Variants in HPSE2 observed in about 807,000 individuals in gnomAD.
HPSE2 encodes heparanase 2 (inactive).
A neutral mutation model predicts 60.5 loss-of-function variants in HPSE2; 38 were observed. The ratio of observed to expected loss-of-function variants is 0.63; its 90% CI spans 0.48 to 0.82. The LOEUF (loss-of-function observed/expected upper bound fraction) is 0.82, where lower values mean the gene tolerates loss of function less well. HPSE2 is among the 40% of genes least tolerant of loss of function. The pLI, the probability that HPSE2 is intolerant of heterozygous loss-of-function variation, is 0.00. For missense variants in HPSE2, 713 were observed against 740.4 expected (o/e 0.96, Z 0.43); for synonymous variants, 295 against 293.2 (o/e 1.01, Z -0.06).
At chr10:98,758,993 T>C (rs1249128810) in intron 3 of HPSE2, among the ~76,000 whole-genome samples, 1 of 152,090 alleles carries the variant, frequency 6.6e-6, no homozygotes, top group East Asian at 1.9e-4. Context: ...CAGCATGAAA[T>C]AGTATGAAGC....
chr10:98,942,244 C>T (rs1955030306), intron 3 of HPSE2, among the ~76,000 whole-genome samples: 1 of 142,268 alleles, frequency 7.0e-6, no homozygotes, highest in Non-Finnish European at 1.5e-5. Context: ...TCTAATTAAA[C>T]TCAAGAGCTT....
At chr10:98,530,757 A>G (rs1014905728) in intron 9 of HPSE2, among the ~76,000 whole-genome samples, 1 of 152,090 alleles carries the variant, frequency 6.6e-6, no homozygotes, top group Non-Finnish European at 1.5e-5. Flanking sequence ...GGCTTTGGAG[A>G]GTCAGATGTA....
At chr10:98,515,892 A>C (rs1942586655) in intron 9 of HPSE2, among the ~76,000 whole-genome samples, 1 of 152,130 alleles carries the variant, frequency 6.6e-6, no homozygotes, top group Admixed American at 6.5e-5. Flanking sequence ...AAATACCCAA[A>C]TATATCAATT....
chr10:98,624,418 G>A (rs1445907966), intron 7 of HPSE2, among the ~76,000 whole-genome samples: 3 of 152,108 alleles, frequency 2.0e-5, no homozygotes, highest in Non-Finnish European at 4.4e-5. Context: ...GCTGTTTTTA[G>A]AACCAAAAGA....
chr10:99,081,713 T>G (rs1843148190), intron 3 of HPSE2, among the ~76,000 whole-genome samples: 1 of 152,028 alleles, frequency 6.6e-6, no homozygotes, highest in African/African-American at 2.4e-5. Context: ...CTCGGCTCAC[T>G]GCAACCTCCG....
chr10:99,002,279 G>C (rs1457788953), intron 3 of HPSE2, among the ~76,000 whole-genome samples: 8 of 152,086 alleles, frequency 5.3e-5, no homozygotes, highest in African/African-American at 1.9e-4. Flanking sequence ...AATTGATGTA[G>C]ATATTCCATC....
Position 98,852,584 on chromosome 10 carries a change from C to A in HPSE2, c.611-108528G>T, listed in dbSNP as rs76334249. Among the ~76,000 whole-genome samples the A allele has an allele frequency of 7.2e-5, 11 of 152,330 alleles. No homozygotes were observed. The East Asian group carries it at 2.1e-3, about 29-fold the overall frequency. Reference sequence around the variant, plus strand: ...ATACAGAGGCCAAGAAGAATTTGAACAGACAGGCCTTGCTGGGTTTCCCCA... The same window carrying A: ...ATACAGAGGCCAAGAAGAATTTGAAAAGACAGGCCTTGCTGGGTTTCCCCA... On this transcript the variant is annotated intron_variant, in intron 3 of 11. Coordinates refer to ENST00000370552, the MANE Select transcript of HPSE2 (RefSeq NM_021828.5).
At chr10:99,066,735 G>A (rs1842630992) in intron 3 of HPSE2, among the ~76,000 whole-genome samples, 1 of 152,076 alleles carries the variant, frequency 6.6e-6, no homozygotes, top group African/African-American at 2.4e-5. Context: ...GGTAAGATTT[G>A]GGTGGGGTCA....
At chr10:98,501,795 C>T (rs538431191) in intron 9 of HPSE2, among the ~76,000 whole-genome samples, 14 of 152,062 alleles carry the variant, frequency 9.2e-5, no homozygotes, top group African/African-American at 2.9e-4. Context: ...ACTTTGAAAC[C>T]CCTGAAGACT....
chr10:99,238,327 T>C (rs1849903404), upstream of HPSE2, among the ~76,000 whole-genome samples: 1 of 152,168 alleles, frequency 6.6e-6, no homozygotes, highest in African/African-American at 2.4e-5. Flanking sequence ...TTGAGTATAA[T>C]GAGAATGCAC....
intron 3 of HPSE2, among the ~76,000 whole-genome samples, chr10:99,022,217 T>C (rs11189939): frequency 0.1 from 15,399 of 151,552 alleles, 842 homozygotes; most frequent in South Asian, 0.19. Flanking sequence ...TTCTGAGAAA[T>C]TGAACTCAGT....
At chr10:99,022,834 C>A (rs776280270) in intron 3 of HPSE2, among the ~76,000 whole-genome samples, 4 of 152,260 alleles carry the variant, frequency 2.6e-5, no homozygotes, top group Middle Eastern at 3.4e-3. Context: ...CCCTGAATAA[C>A]TAGCAGCGAT....
At chr10:98,998,183 T>C (rs568927690) in intron 3 of HPSE2, among the ~76,000 whole-genome samples, 1 of 152,346 alleles carries the variant, frequency 6.6e-6, no homozygotes, top group African/African-American at 2.4e-5. Context: ...GTTGGATATA[T>C]TTCATCACAG....
At chr10:98,569,968 A>G (rs562235512) in intron 9 of HPSE2, among the ~76,000 whole-genome samples, 3 of 152,326 alleles carry the variant, frequency 2.0e-5, no homozygotes, top group South Asian at 4.1e-4. Context: ...AAGAACTCCA[A>G]TGACTCCAAT....
At chr10:98,670,718 G>C (rs958381663) in intron 6 of HPSE2, among the ~76,000 whole-genome samples, 1 of 152,224 alleles carries the variant, frequency 6.6e-6, no homozygotes, top group Non-Finnish European at 1.5e-5. Context: ...ATAGATTCCA[G>C]ACATTGTATA....
intron 9 of HPSE2, among the ~76,000 whole-genome samples, chr10:98,544,691 C>G (rs1402553369): frequency 8.6e-6 from 1 of 116,734 alleles, no homozygotes; most frequent in Non-Finnish European, 1.6e-5. Flanking sequence ...CCAGCCTGGG[C>G]GACAGAGCGA....
chr10:98,819,120 A>G (rs1281336511), intron 3 of HPSE2, among the ~76,000 whole-genome samples: 1 of 152,046 alleles, frequency 6.6e-6, no homozygotes, highest in Non-Finnish European at 1.5e-5. Context: ...AAGATAAATG[A>G]CCCCCTTTAA....
At chr10:99,290,033 G>A in the HPSE2 span, among the ~76,000 whole-genome samples, 1 of 152,214 alleles carries the variant, frequency 6.6e-6, no homozygotes, top group South Asian at 2.1e-4. Flanking sequence ...GTAAGCAGGG[G>A]TTGGGCCAAG....
chr10:99,154,012 A>G (rs956436090), intron 2 of HPSE2, among the ~76,000 whole-genome samples: 2 of 152,176 alleles, frequency 1.3e-5, no homozygotes, highest in Admixed American at 1.3e-4. Flanking sequence ...GCAATGGAAG[A>G]TGAAATAAAT....
Sources: allele counts gnomAD v4.1 joint callset (sites outside exome capture counted in the v4.1 genomes callset), GRCh38; gene constraint gnomAD v4.1.1; transcripts MANE v1.5; gene names NCBI Gene and HGNC (gene_info 2026-07-23, HGNC 2026-07-21).